Variants in EIF4G3 observed in about 807,000 individuals in gnomAD.
EIF4G3 encodes eukaryotic translation initiation factor 4 gamma 3.
A neutral mutation model predicts 186.4 loss-of-function variants in EIF4G3; 34 were observed. The ratio of observed to expected loss-of-function variants is 0.18; its 90% confidence interval spans 0.14 to 0.24. The LOEUF is 0.24. Among genes scored for constraint, EIF4G3 ranks in the 10% least tolerant of loss-of-function variants. EIF4G3 has a pLI of 1.00. For missense variants in EIF4G3, 1,536 were observed against 1,948.5 expected (o/e 0.79, Z 3.99); for synonymous variants, 673 against 679.5 (o/e 0.99, Z 0.15).
intron 2 of EIF4G3, among the ~76,000 whole-genome samples, chr1:21,120,259 C>T (rs1244575035): frequency 1.3e-5 from 2 of 151,580 alleles, no homozygotes; most frequent in Admixed American, 6.6e-5. Context: ...CTCTCAATTA[C>T]ACATCATTAA....
intron 2 of EIF4G3, among the ~76,000 whole-genome samples, chr1:21,102,192 T>C (rs1052403138): frequency 2.6e-5 from 4 of 152,208 alleles, no homozygotes; most frequent in Non-Finnish European, 5.9e-5. Context: ...GGCTCATGTC[T>C]GTAATCCCAC....
chr1:21,110,007 CAA>C, intron 2 of EIF4G3, among the ~76,000 whole-genome samples: 1 of 152,084 alleles, frequency 6.6e-6, no homozygotes, highest in African/African-American at 2.4e-5. Flanking sequence ...AGGCTGGTCT[CAA>C]ACTCTTGACC....
chr1:21,003,045 G>C (rs1048444449), intron 4 of EIF4G3, among the ~76,000 whole-genome samples: 5 of 149,252 alleles, frequency 3.4e-5, no homozygotes, highest in African/African-American at 1.2e-4. Context: ...ACCCGGGCTA[G>C]AGTGCAGTGG....
chr1:20,876,595 C>T (rs1414744750), intron 20 of EIF4G3, among the ~76,000 whole-genome samples: 7 of 151,972 alleles, frequency 4.6e-5, no homozygotes, highest in Non-Finnish European at 8.8e-5. Context: ...TCACAGTGAC[C>T]ATCTGATAGG....
chr1:21,120,150 T>C (rs1187539810), intron 2 of EIF4G3, among the ~76,000 whole-genome samples: 1 of 149,660 alleles, frequency 6.7e-6, no homozygotes, highest in Admixed American at 6.8e-5. Flanking sequence ...AATTAAAATA[T>C]ACATACTAGA....
intron 35 of EIF4G3, among the ~76,000 whole-genome samples, chr1:20,811,849 A>T (rs1557722724): frequency 1.3e-5 from 2 of 151,762 alleles, no homozygotes; most frequent in Non-Finnish European, 2.9e-5. Context: ...GTGAGTATTT[A>T]AAAAAAGCAA....
rs373358553 is a variant in EIF4G3, at chr1:21,128,465, G to A, written c.-271-39252C>T. ...GTGGAGGTTGCAGTGAGCCAAGACC[G>A]TGCCACGCACTCCAGCCTGGGTGAC... On this transcript the variant is annotated intron_variant, in intron 2 of 36. Transcript: ENST00000602326. Among the ~76,000 whole-genome samples, 37 of 151,236 alleles carry A rather than the reference G, an allele frequency of 2.4e-4. No individual in the cohort carries two copies. The East Asian group carries it at 4.7e-3, about 19-fold the overall frequency.
intron 17 of EIF4G3, 152 bp downstream of exon 17, chr1:20,895,216 G>A: frequency 1.1e-6 from 1 of 908,078 alleles, no homozygotes; most frequent in Non-Finnish European, 1.6e-6. Context: ...AAATCCAACA[G>A]TGTTTAGGGA....
At chr1:21,156,990 C>T (rs1282495499) in intron 2 of EIF4G3, among the ~76,000 whole-genome samples, 3 of 151,934 alleles carry the variant, frequency 2.0e-5, no homozygotes, top group South Asian at 2.1e-4. Context: ...CCTGAGAGGT[C>T]GAGGCTGCAG....
chr1:20,897,350 T>C (rs982910764), intron 16 of EIF4G3, among the ~76,000 whole-genome samples: 1 of 151,590 alleles, frequency 6.6e-6, no homozygotes, highest in African/African-American at 2.4e-5. Flanking sequence ...AGGAACCTGA[T>C]ACAACCCTTG....
intron 2 of EIF4G3, among the ~76,000 whole-genome samples, chr1:21,166,919 C>T (rs1408985402): frequency 6.6e-6 from 1 of 151,860 alleles, no homozygotes; most frequent in Non-Finnish European, 1.5e-5. Context: ...GTAGCTGGGA[C>T]TACAGGCACG....
At chr1:20,949,946 T>C in intron 13 of EIF4G3, 57 bp downstream of exon 13, 1 of 1,387,024 alleles carries the variant, frequency 7.2e-7, no homozygotes, top group Non-Finnish European at 1.0e-6. Context: ...CTGACGGCAA[T>C]GTAATTAATA....
intron 2 of EIF4G3, among the ~76,000 whole-genome samples, chr1:21,119,691 T>C (rs1236711142): frequency 1.3e-5 from 2 of 152,180 alleles, no homozygotes; most frequent in African/African-American, 4.8e-5. Flanking sequence ...AACTATTACT[T>C]TTTTTAAGTA....
chr1:21,089,438 CA>C (rs1164026976), intron 2 of EIF4G3, among the ~76,000 whole-genome samples: 1 of 152,142 alleles, frequency 6.6e-6, no homozygotes, highest in Non-Finnish European at 1.5e-5. Flanking sequence ...AATCTCAAAA[CA>C]AACACAACTA....
At chr1:21,131,288 C>A (rs1573017699) in intron 2 of EIF4G3, among the ~76,000 whole-genome samples, 1 of 129,280 alleles carries the variant, frequency 7.7e-6, no homozygotes, top group Non-Finnish European at 1.7e-5. Flanking sequence ...TAAGATGTAT[C>A]AACAGAAATT....
At chr1:21,170,396 T>A (rs1414687389) in intron 2 of EIF4G3, among the ~76,000 whole-genome samples, 1 of 151,584 alleles carries the variant, frequency 6.6e-6, no homozygotes, top group African/African-American at 2.4e-5. Context: ...ACAGGCCAGG[T>A]GTGGTGGCTC....
chr1:20,825,251 GA>G (rs71585786), intron 32 of EIF4G3, 53 bp from the exon 33 acceptor site: 40,596 of 229,268 alleles, frequency 0.18, 8 homozygotes, highest in Middle Eastern at 0.26. Flanking sequence ...AGAAGAAACA[GA>G]AAAAAAAAAA....
At chr1:20,954,534 C>CA (rs35942587) in intron 12 of EIF4G3, among the ~76,000 whole-genome samples, 15,840 of 49,456 alleles carry the variant, frequency 0.32, 2,558 homozygotes, top group Non-Finnish European at 0.4. Context: ...GACCCCGTCT[C>CA]AAAAAAAAAA....
intron 13 of EIF4G3, among the ~76,000 whole-genome samples, chr1:20,946,155 T>C (rs2095940020): frequency 6.6e-6 from 1 of 152,186 alleles, no homozygotes; most frequent in East Asian, 1.9e-4. Flanking sequence ...ACAGTCTCAC[T>C]TGACAAAGAA....
Sources: allele counts gnomAD v4.1 joint callset (sites outside exome capture counted in the v4.1 genomes callset), GRCh38; gene constraint gnomAD v4.1.1; transcripts MANE v1.5; gene names NCBI Gene and HGNC (gene_info 2026-07-23, HGNC 2026-07-21).